MYCBP2: variants seen among roughly 807,000 people sequenced by gnomAD.
The protein encoded by MYCBP2 is MYC binding protein 2.
In MYCBP2, 120 loss-of-function variants were observed where a neutral mutation model predicts 525.3. That is an observed-to-expected ratio of 0.23 (90% CI 0.20 to 0.27). MYCBP2 has a LOEUF of 0.27. Among genes scored for constraint, MYCBP2 ranks in the 10% least tolerant of loss-of-function variants. The pLI is 1.00. For synonymous variants in MYCBP2, 1,894 were observed against 1,955.8 expected (o/e 0.97, Z 0.83); for missense variants, 4,149 against 5,657.1 (o/e 0.73, Z 8.55).
chr13:77,174,191 G>T, intron 37 of MYCBP2, 120 bp downstream of exon 37: 1 of 750,106 alleles, frequency 1.3e-6, no homozygotes, highest in Non-Finnish European at 2.1e-6. Context: ...ACAAGTATGT[G>T]CTAAGAAGAT....
intron 1 of MYCBP2, among the ~76,000 whole-genome samples, chr13:77,298,603 G>A (rs2078443031): frequency 6.6e-6 from 1 of 152,126 alleles, no homozygotes; most frequent in Non-Finnish European, 1.5e-5. Context: ...ACAGCTACAT[G>A]CCTTACTCAG....
chr13:77,098,295 G>A lies in MYCBP2; in HGVS notation c.8859C>T (p.Asp2953=), dbSNP rs758002237. 1.2e-6 allele frequency: 2 copies of A among 1,611,736 alleles called. No homozygotes were observed. The highest frequency in any genetic ancestry group is 1.7e-5 in the Admixed American group (1 of 59,962). Residue 2953 remains aspartate (D), a synonymous_variant, in exon 56 of 83, where the codon GAC becomes GAT. Transcript: ENST00000544440. ...CATCCACACTCTTAAATTCACTGCT[G>A]TCATCGCAGGTGCTGTCTGTTAGAC... ...TNSLTDSTCD[D]SSEFKSVDEG...
chr13:77,304,285 C>A (rs1390784580), intron 1 of MYCBP2, among the ~76,000 whole-genome samples: 4 of 152,090 alleles, frequency 2.6e-5, no homozygotes. Flanking sequence ...CAATGAAATA[C>A]CATTTAGTGA....
intron 38 of MYCBP2, among the ~76,000 whole-genome samples, chr13:77,170,577 CTTTTTTTTT>C (rs1157749294): frequency 1.4e-5 from 2 of 138,998 alleles, no homozygotes; most frequent in African/African-American, 2.6e-5. Context: ...GTGGAGGTAA[CTTTTTTTTT>C]TTTTTTTTGA....
chr13:77,311,555 G>GTTTTTTTTTGTTTT lies in MYCBP2; in HGVS notation c.303-14895_303-14882dup, dbSNP rs370039299. Among the ~76,000 whole-genome samples the GTTTTTTTTTGTTTT allele has an allele frequency of 2.8e-5, 4 of 142,230 alleles. No individual in the cohort carries two copies. The East Asian group carries it at 6.5e-4, about 23-fold the overall frequency. The allele number at this position is 142,230 out of a possible 152,430, so 93.3% of individuals were successfully genotyped here. ...AGAGGTTCTCGGCAGGGAAAGAGAA[G>GTTTTTTTTTGTTTT]TTTTTTTTTGTTTTTTTTTTTTTGT... On this transcript the variant is annotated intron_variant, in intron 1 of 82. Coordinates refer to ENST00000544440, the MANE Select transcript of MYCBP2 (RefSeq NM_015057.5).
intron 17 of MYCBP2, among the ~76,000 whole-genome samples, chr13:77,235,775 C>T (rs1173422093): frequency 6.6e-6 from 1 of 151,940 alleles, no homozygotes; most frequent in East Asian, 1.9e-4. Context: ...AAAGGAGGCA[C>T]ACAAACTAGA....
At chr13:77,133,350 A>G (rs915427084) in intron 52 of MYCBP2, among the ~76,000 whole-genome samples, 3 of 152,222 alleles carry the variant, frequency 2.0e-5, no homozygotes, top group Non-Finnish European at 4.4e-5. Context: ...TATTTTAAAC[A>G]GAATGATCAT....
chr13:77,086,119 A>G (rs139900344), intron 62 of MYCBP2, among the ~76,000 whole-genome samples: 1 of 152,026 alleles, frequency 6.6e-6, no homozygotes, highest in African/African-American at 2.4e-5. Flanking sequence ...TCATATTTAC[A>G]CTTTCTTTTC....
Position 77,212,041 on chromosome 13 carries a change from G to C in MYCBP2, c.3177C>G (p.Asp1059Glu), listed in dbSNP as rs776588937. ...CTTCATCAATTCGTAAAAAAGTTTG[G>C]TCCCCACTTGCACCTATCCAAGTAG... The part of the protein sequence containing the change: ...RKATWIGASG[D>E]QTFLRIDEAL... The change falls in exon 22 of 83, where the codon GAC (aspartate) becomes GAG (glutamate). Residue 1059 changes from aspartate (D) to glutamate (E), a missense_variant. Asp to Glu is a conservative substitution (Grantham distance 45, BLOSUM62 2). Around this residue, in one of 21 missense-constraint regions of MYCBP2, gnomAD observed 620 missense variants for 795.5 expected, o/e 0.78. Transcript: ENST00000544440. 6.2e-7 allele frequency: 1 copy of C among 1,614,004 alleles called. No homozygotes were observed. The highest frequency in any genetic ancestry group is 8.5e-7 in the Non-Finnish European group (1 of 1,179,958).
At chr13:77,057,993 A>G (rs773680999) in intron 78 of MYCBP2, among the ~76,000 whole-genome samples, 3 of 151,750 alleles carry the variant, frequency 2.0e-5, no homozygotes, top group Non-Finnish European at 4.4e-5. Context: ...ACCCACCACC[A>G]CGCCCAGCTA....
intron 65 of MYCBP2, among the ~76,000 whole-genome samples, chr13:77,079,966 A>T (rs1295449269): frequency 6.6e-6 from 1 of 152,206 alleles, no homozygotes; most frequent in Admixed American, 6.5e-5. Context: ...CTTAGAAAAG[A>T]CAGAAGTGTT....
intron 71 of MYCBP2, among the ~76,000 whole-genome samples, chr13:77,066,507 T>C (rs995263023): frequency 6.6e-6 from 1 of 152,256 alleles, no homozygotes; most frequent in Non-Finnish European, 1.5e-5. Context: ...TCTGATGTTA[T>C]CTGCATATTG....
intron 4 of MYCBP2, among the ~76,000 whole-genome samples, chr13:77,278,287 A>C (rs1410395516): frequency 6.6e-6 from 1 of 152,216 alleles, no homozygotes; most frequent in Non-Finnish European, 1.5e-5. Flanking sequence ...TTCAGTTAAT[A>C]GTGACCTTAA....
At chr13:77,293,970 C>T (rs1007928283) in intron 2 of MYCBP2, among the ~76,000 whole-genome samples, 1 of 150,916 alleles carries the variant, frequency 6.6e-6, no homozygotes, top group Non-Finnish European at 1.5e-5. Context: ...TAATTTGTTA[C>T]AGATTAAATA....
At chr13:77,169,771 T>A in intron 38 of MYCBP2, 57 bp from the exon 39 acceptor site, 14 of 1,302,652 alleles carry the variant, frequency 1.1e-5, no homozygotes, top group Non-Finnish European at 1.4e-5. Context: ...TTCATTGTAC[T>A]GCATACATGC....
intron 81 of MYCBP2, among the ~76,000 whole-genome samples, 196 bp downstream of exon 81, chr13:77,051,615 A>G: frequency 6.6e-6 from 1 of 152,244 alleles, no homozygotes. Context: ...TTCATGGAAG[A>G]CAAAATTATA....
Position 77,098,752 on chromosome 13 carries a change from T to A in MYCBP2, c.8402A>T (p.Asp2801Val). Residue 2801 changes from aspartate (D) to valine (V), a missense_variant, in exon 56 of 83, where the codon GAT becomes GTT. This residue lies in a region of MYCBP2 where 653 missense variants were observed against 744.7 expected (regional missense o/e 0.88). Coordinates refer to ENST00000544440, the MANE Select transcript of MYCBP2 (RefSeq NM_015057.5). The stretch of plus-strand genomic sequence containing the variant: ...TCTGGAGCTAGAAGGCATCCTCCCA[T>A]CAGATTTCAATGTCTGCAAGGTGTT... ...NHNTLQTLKS[D>V]GRMPSSSRAE... The A allele has an allele frequency of 6.2e-7, 1 of 1,613,434 alleles. No individual in the cohort carries two copies. Among genetic ancestry groups the A allele is most frequent in the Non-Finnish European group, 8.5e-7 (1 of 1,179,710 alleles).
chr13:77,258,876 A>G (rs1261208024), intron 13 of MYCBP2, among the ~76,000 whole-genome samples: 1 of 152,174 alleles, frequency 6.6e-6, no homozygotes, highest in African/African-American at 2.4e-5. Flanking sequence ...TTTTGCAGGT[A>G]GAAAAAAACA....
rs1203272607 is a variant in MYCBP2, at chr13:77,098,514, G to A, written c.8640C>T (p.Thr2880=). The change falls in exon 56 of 83, where the codon ACC becomes ACT. Residue 2880 remains threonine (T), a synonymous_variant. Transcript: ENST00000544440. The stretch of plus-strand genomic sequence containing the variant: ...TGAGGGGCATTTTCTTCTTGCGGAG[G>A]GTATCTGGATCAAGTGTGTAAGAGT... The part of the protein sequence containing the change: ...KSDSYTLDPD[T]LRKKKMPLTE... 12 of 1,613,642 alleles carry A rather than the reference G, an allele frequency of 7.4e-6. No homozygotes were observed. Among genetic ancestry groups the A allele is most frequent in the Non-Finnish European group, 1.0e-5 (12 of 1,179,788 alleles).
Sources: gnomAD v4.1 joint callset for allele counts (sites outside exome capture counted in the v4.1 genomes callset) on GRCh38, gnomAD v4.1.1 for gene constraint, gnomAD v4.1.1 regional missense constraint, MANE v1.5 for transcripts, NCBI Gene and HGNC (gene_info 2026-07-23, HGNC 2026-07-21) for gene names.